SLC4A3: variants seen among roughly 807,000 people sequenced by gnomAD.
The protein encoded by SLC4A3 is solute carrier family 4 member 3, also known as anion exchange protein 3.
A neutral mutation model predicts 114.2 loss-of-function variants in SLC4A3; 47 were observed. The observed-to-expected ratio is 0.41, with a 90% confidence interval of 0.33 to 0.52. SLC4A3 has a LOEUF of 0.52. SLC4A3 is among the 20% of genes least tolerant of loss of function. The pLI is 0.21. For synonymous variants in SLC4A3, 693 were observed against 710.3 expected, an observed-to-expected ratio of 0.98 and a Z score of 0.39; for missense variants, 1,312 against 1,668.3, an observed-to-expected ratio of 0.79 and a Z score of 3.72.
chr2:219,641,008 A>G lies in SLC4A3; in HGVS notation c.3621+46A>G, dbSNP rs926086190. The stretch of plus-strand genomic sequence containing the variant: ...GGAAACAGTGTTAGGGCAAATGGGC[A>G]CTGGGTTCCAATCTCTGTTTGGCCA... On this transcript the variant is annotated intron_variant, in intron 22 of 22. Transcript: ENST00000358055. The surrounding 1 kb of genome is among the most constrained non-coding windows in gnomAD (Gnocchi z 4.0). 1.3e-6 allele frequency: 2 copies of G among 1,564,016 alleles called. No homozygotes were observed. Among genetic ancestry groups the G allele is most frequent in the Admixed American group, 3.5e-5 (2 of 57,902 alleles).
Position 219,639,023 on chromosome 2 carries a change from G to A in SLC4A3, c.3023+154G>A, listed in dbSNP as rs1213863099. On this transcript the variant is annotated intron_variant, in intron 19 of 22. Transcript: ENST00000358055. The surrounding 1 kb of genome is among the most constrained non-coding windows in gnomAD (Gnocchi z 5.9). ...ATCCTTGAGGAAGAGAGTGTGTGTG[G>A]AGGAGCTGGCAGGGGTGAGGAGGAG... 2.0e-5 allele frequency among the ~76,000 whole-genome samples: 3 copies of A among 152,036 alleles called. No individual in the cohort carries two copies.
chr2:219,639,171 C>T lies in SLC4A3; in HGVS notation c.3023+302C>T, dbSNP rs911460537. Among the ~76,000 whole-genome samples, 2 of 152,182 alleles carry T rather than the reference C, an allele frequency of 1.3e-5. No homozygotes were observed. Among genetic ancestry groups the T allele is most frequent in the Admixed American group, 6.5e-5 (1 of 15,288 alleles). ...GGGTGGCACTTGACAGTGCTCAGAA[C>T]ACTCTAGCAGTCTAAGCTTGCACCC... On this transcript the variant is annotated intron_variant, in intron 19 of 22. Coordinates refer to ENST00000358055, the MANE Select transcript of SLC4A3 (RefSeq NM_005070.4). The surrounding 1 kb of genome is among the most constrained non-coding windows in gnomAD (Gnocchi z 5.9).
At chr2:219,634,931 C>T (rs1699063916) in intron 12 of SLC4A3, among the ~76,000 whole-genome samples, 1 of 152,186 alleles carries the variant, frequency 6.6e-6, no homozygotes, top group Non-Finnish European at 1.5e-5. Flanking sequence ...TAGCCAGGGG[C>T]AACGTTCACA....
At chr2:219,633,040 T>C in intron 9 of SLC4A3, 31 bp downstream of exon 9, 1 of 1,609,004 alleles carries the variant, frequency 6.2e-7, no homozygotes, top group Non-Finnish European at 8.5e-7. Flanking sequence ...GAGGGGCCTG[T>C]CCAGCTCAGC....
chr2:219,633,098 T>C, intron 9 of SLC4A3, 89 bp downstream of exon 9: 2 of 1,508,384 alleles, frequency 1.3e-6, no homozygotes, highest in Non-Finnish European at 1.8e-6. Flanking sequence ...CAGCCTCTGC[T>C]TGAATGCCAC....
rs376810431 is a variant in SLC4A3, at chr2:219,640,220, T to C, written c.3278-210T>C. On this transcript the variant is annotated intron_variant, in intron 20 of 22. Transcript: ENST00000358055. ...CTGGGATTACAGGCGTGAGCCAATG[T>C]GTCTGCCCCCCCCCCCGCCCCTCCT... Among the ~76,000 whole-genome samples, 134 of 134,588 alleles carry C rather than the reference T, an allele frequency of 1.0e-3. 2 individuals are homozygous for C. The highest frequency in any genetic ancestry group is 3.8e-3 in the African/African-American group (134 of 35,574). The allele number at this position is 134,588 out of a possible 152,430, so 88.3% of individuals were successfully genotyped here. A position where few individuals can be genotyped will look rare whatever the true frequency, so the allele number is the denominator to read the frequency against.
At position 219,639,567 on chromosome 2, in the gene SLC4A3, C is replaced by G. The variant is rs745760366; in HGVS notation, c.3109C>G (p.Leu1037Val). Residue 1037 changes from leucine (L) to valine (V), a missense_variant, in exon 20 of 23, where the codon CTC (leucine) becomes GTC (valine). Leu to Val is a conservative substitution (Grantham distance 32). Transcript: ENST00000358055. This position sits in a 1 kb window ranked among gnomAD's most constrained non-coding sequence, Gnocchi z 5.9. Reference sequence around the variant, plus strand: ...GCTCCTCATTGGCTCCCTGGGGGGGCTCTGTGGGCTGTTTGGGTTGCCCTG... The same window carrying G: ...GCTCCTCATTGGCTCCCTGGGGGGGGTCTGTGGGCTGTTTGGGTTGCCCTG... The part of the protein sequence containing the change: ...DLLLIGSLGG[L>V]CGLFGLPWLT... 6.2e-7 allele frequency: 1 copy of G among 1,614,118 alleles called. No individual in the cohort carries two copies.
At position 219,633,865 on chromosome 2, in the gene SLC4A3, G is replaced by T; in HGVS notation, c.1462-15G>T. The T allele has an allele frequency of 6.4e-7, 1 of 1,553,316 alleles. No individual in the cohort carries two copies. The highest frequency in any genetic ancestry group is 1.4e-5 in the African/African-American group (1 of 73,328). On this transcript the variant is annotated splice_polypyrimidine_tract_variant and intron_variant, in intron 10 of 22. Transcript: ENST00000358055. ...CGGTCTGGGTCCCAGCCCTATTCCA[G>T]TTCTGCGTCCTCAGAAGCCCCTCCA...
rs142847638 is a variant in SLC4A3 at position 219,637,746 on chromosome 2, C to T, written c.2701C>T (p.Leu901Phe). 2.9e-5 allele frequency: 46 copies of T among 1,613,986 alleles called. No homozygotes were observed. In the African/African-American group the frequency reaches 5.1e-4, roughly 18 times the overall value. Reference sequence around the variant, plus strand: ...GGCACTGCTCTCACTCATCCTCATGCTCGGGACCTTCTTCATAGCCTTCTT... The same window carrying T: ...GGCACTGCTCTCACTCATCCTCATGTTCGGGACCTTCTTCATAGCCTTCTT... ...NTALLSLILM[L>F]GTFFIAFFLR... Residue 901 changes from leucine to phenylalanine, a missense_variant, in exon 17 of 23, where the codon CTC (leucine) becomes TTC (phenylalanine). Around this residue, in one of 4 missense-constraint regions of SLC4A3, gnomAD observed 301 missense variants for 460.7 expected, o/e 0.65. Transcript: ENST00000358055. This position sits in a 1 kb window ranked among gnomAD's most constrained non-coding sequence, Gnocchi z 4.6.
At position 219,636,606 on chromosome 2, in the gene SLC4A3, G is replaced by A. The variant is rs1272119342; in HGVS notation, c.2341-74G>A. On this transcript the variant is annotated intron_variant, in intron 15 of 22. Coordinates refer to ENST00000358055, the MANE Select transcript of SLC4A3 (RefSeq NM_005070.4). This position sits in a 1 kb window ranked among gnomAD's most constrained non-coding sequence, Gnocchi z 5.5. ...TCTCCCTCTTCCTCGGAGTTCATCCGCTGCCTATTCCAGGGGGCATTGACA... is the reference window on the plus strand; with the variant it reads ...TCTCCCTCTTCCTCGGAGTTCATCCACTGCCTATTCCAGGGGGCATTGACA... 5 of 1,497,680 alleles carry A rather than the reference G, an allele frequency of 3.3e-6. No homozygotes were observed. Among genetic ancestry groups the A allele is most frequent in the Non-Finnish European group, 3.6e-6 (4 of 1,102,464 alleles). 92.8% of individuals were successfully genotyped at this position (1,497,680 alleles called of 1,614,324 possible). A position where few individuals can be genotyped will look rare whatever the true frequency, so the allele number is the denominator to read the frequency against.
rs775729193 is a variant in SLC4A3 at position 219,635,474 on chromosome 2, T to C, written c.1950T>C (p.Gly650=). ...CCAAAGTCGAGATGACCACACGGGG[T>C]GGCTACACGGCCCCTGGGAAAGGTC... ...EQTKVEMTTR[G]GYTAPGKELS... Residue 650 remains glycine (G), a synonymous_variant, in exon 13 of 23, where the codon GGT becomes GGC. Transcript: ENST00000358055. 16 of 1,612,158 alleles carry C rather than the reference T, an allele frequency of 9.9e-6. No homozygotes were observed. The highest frequency in any genetic ancestry group is 1.7e-5 in the Admixed American group (1 of 59,812).
rs1268461934 is a variant in SLC4A3 at position 219,639,278 on chromosome 2, A to G, written c.3024-204A>G. Among the ~76,000 whole-genome samples the G allele has an allele frequency of 6.6e-6, 1 of 152,206 alleles. No homozygotes were observed. The highest frequency in any genetic ancestry group is 1.5e-5 in the Non-Finnish European group (1 of 68,032). On this transcript the variant is annotated intron_variant, in intron 19 of 22. Transcript: ENST00000358055. This position sits in a 1 kb window ranked among gnomAD's most constrained non-coding sequence, Gnocchi z 5.9. ...GCATCTGGCTTTTGTGGTGTTTTAAATATTCACAGTATGAGAATTTGTCTC... is the reference window on the plus strand; with the variant it reads ...GCATCTGGCTTTTGTGGTGTTTTAAGTATTCACAGTATGAGAATTTGTCTC...
Position 219,635,503 on chromosome 2 carries a change from C to T in SLC4A3, c.1972+7C>T, listed in dbSNP as rs1211868446. 2 of 1,597,168 alleles carry T rather than the reference C, an allele frequency of 1.3e-6. No individual in the cohort carries two copies. The highest frequency in any genetic ancestry group is 1.1e-5 in the South Asian group (1 of 89,106). On this transcript the variant is annotated splice_region_variant and intron_variant, in intron 13 of 22. Coordinates refer to ENST00000358055, the MANE Select transcript of SLC4A3 (RefSeq NM_005070.4). The stretch of plus-strand genomic sequence containing the variant: ...TACACGGCCCCTGGGAAAGGTCAGA[C>T]CCTTGGAGGCTGAGTGCCCCCAATA...
rs201321113 is a variant in SLC4A3, at chr2:219,632,466, G to C, written c.1141+24G>C. 5.4e-5 allele frequency: 84 copies of C among 1,563,782 alleles called. No homozygotes were observed. In the African/African-American group the frequency reaches 7.0e-4, roughly 13 times the overall value. On this transcript the variant is annotated intron_variant, in intron 8 of 22. Coordinates refer to ENST00000358055, the MANE Select transcript of SLC4A3 (RefSeq NM_005070.4). ...TGGTAGGGACCCCCAGGCCTGGCCC[G>C]AGGCTGCAAGCCCTCTTCAGTCTGT...
In SLC4A3 at chr2:219,632,126, C is replaced by A. The variant is rs1166719563; in HGVS notation, c.960+10C>A. ...CCGGAGGCCTCATGAGGTCAGGATG[C>A]TGACTGGGTGGGCCTGTGGCTTCCT... On this transcript the variant is annotated intron_variant, in intron 7 of 22. Transcript: ENST00000358055. 1 of 1,612,306 alleles carries A rather than the reference C, an allele frequency of 6.2e-7. No individual in the cohort carries two copies. Among genetic ancestry groups the A allele is most frequent in the East Asian group, 2.2e-5 (1 of 44,852 alleles).
chr2:219,635,504 C>A lies in SLC4A3; in HGVS notation c.1972+8C>A. The A allele has an allele frequency of 2.5e-6, 4 of 1,596,922 alleles. No homozygotes were observed. Among genetic ancestry groups the A allele is most frequent in the Non-Finnish European group, 3.4e-6 (4 of 1,170,462 alleles). ...ACACGGCCCCTGGGAAAGGTCAGAC[C>A]CTTGGAGGCTGAGTGCCCCCAATAC... On this transcript the variant is annotated splice_region_variant and intron_variant, in intron 13 of 22. Transcript: ENST00000358055.
chr2:219,629,889 G>A (rs528883205), intron 5 of SLC4A3, among the ~76,000 whole-genome samples, 194 bp downstream of exon 5: 83 of 144,112 alleles, frequency 5.8e-4, no homozygotes, highest in South Asian at 2.4e-3. Context: ...ACAAGGGGGG[G>A]GGGAGAAAAA....
In SLC4A3 at chr2:219,628,038, C is replaced by A; in HGVS notation, c.46C>A (p.Pro16Thr). The stretch of plus-strand genomic sequence containing the variant: ...GCCGCCCGGGGGCGCCTCCCCCCTA[C>A]CCCAGGTGATCGGCGCGCGCGGGGG... ...IPPPGGASPL[P>T]QVRVPLEEPP... The change falls in exon 2 of 23, where the codon CCC becomes ACC. Residue 16 changes from proline to threonine, a missense_variant. Transcript: ENST00000358055. This position sits in a 1 kb window ranked among gnomAD's most constrained non-coding sequence, Gnocchi z 4.8. 1 of 1,573,498 alleles carries A rather than the reference C, an allele frequency of 6.4e-7. No individual in the cohort carries two copies. Among genetic ancestry groups the A allele is most frequent in the Non-Finnish European group, 8.6e-7 (1 of 1,163,178 alleles).
At chr2:219,633,239 TCTC>T (rs776745370) in intron 9 of SLC4A3, 32 bp from the exon 10 acceptor site, 6 of 1,528,690 alleles carry the variant, frequency 3.9e-6, no homozygotes, top group Admixed American at 2.0e-5. Flanking sequence ...ACCATGAGCC[TCTC>T]CTCCTCACCT....
Sources: allele counts gnomAD v4.1 joint callset (sites outside exome capture counted in the v4.1 genomes callset), GRCh38; gene constraint gnomAD v4.1.1; regional missense constraint gnomAD v4.1.1; non-coding constraint Gnocchi (gnomAD v3.1); transcripts MANE v1.5; gene names NCBI Gene and HGNC (gene_info 2026-07-23, HGNC 2026-07-21).